Variants in ACTR3C observed in about 807,000 individuals in gnomAD.
ACTR3C encodes the protein actin related protein 3C.
A neutral mutation model predicts 26.3 loss-of-function variants in ACTR3C; 18 were observed. The ratio of observed to expected loss-of-function variants is 0.68; its 90% CI spans 0.47 to 1.01. ACTR3C has a LOEUF of 1.01. Among genes scored for constraint, ACTR3C ranks in the 50% least tolerant of loss-of-function variants. The probability of loss-of-function intolerance (pLI) is 0.00; values close to 1 mark genes in which losing one functional copy is unlikely to be tolerated. For missense variants in ACTR3C, 184 were observed against 250.7 expected, an observed-to-expected ratio of 0.73 and a Z score of 1.80; for synonymous variants, 55 against 94.5, an observed-to-expected ratio of 0.58 and a Z score of 2.42.
At chr7:150,313,558 G>A (rs957940094) in intron 1 of ACTR3C, among the ~76,000 whole-genome samples, 7 of 152,124 alleles carry the variant, frequency 4.6e-5, no homozygotes, top group African/African-American at 7.2e-5. Flanking sequence ...TGTTAATTCC[G>A]GTTAGCTCTT....
the ACTR3C span, among the ~76,000 whole-genome samples, chr7:150,110,637 G>C: frequency 4.2e-5 from 6 of 144,404 alleles, no homozygotes; most frequent in East Asian, 8.4e-4. Context: ...CTGGCTGGAG[G>C]AGGTGGGGCT....
At chr7:150,203,451 T>C in the ACTR3C span, among the ~76,000 whole-genome samples, 5 of 152,238 alleles carry the variant, frequency 3.3e-5, no homozygotes, top group Non-Finnish European at 7.3e-5. Flanking sequence ...ACCTCAACTC[T>C]GCCGTGAATC....
chr7:150,226,606 T>A, the ACTR3C span, among the ~76,000 whole-genome samples: 1 of 152,090 alleles, frequency 6.6e-6, no homozygotes, highest in African/African-American at 2.4e-5. Flanking sequence ...CTGGCTAATT[T>A]TTTGTATTTT....
intron 1 of ACTR3C, among the ~76,000 whole-genome samples, chr7:150,320,422 A>G (rs1797382868): frequency 1.3e-5 from 2 of 152,218 alleles, no homozygotes; most frequent in African/African-American, 4.8e-5. Flanking sequence ...GAAAGAATTT[A>G]TGAGTGGACT....
At chr7:149,963,473 T>C in the ACTR3C span, among the ~76,000 whole-genome samples, 1 of 152,204 alleles carries the variant, frequency 6.6e-6, no homozygotes, top group African/African-American at 2.4e-5. Context: ...TTCAAAGCAC[T>C]TCCTCATTTA....
At chr7:150,047,745 C>G in the ACTR3C span, 461 of 1,464,276 alleles carry the variant, frequency 3.1e-4, 2 homozygotes, top group African/African-American at 5.5e-3. Flanking sequence ...TCCTGCGCCG[C>G]CGTCCTCCTC....
At chr7:150,166,346 C>T in the ACTR3C span, among the ~76,000 whole-genome samples, 27 of 150,976 alleles carry the variant, frequency 1.8e-4, 1 homozygote, top group African/African-American at 6.5e-4. Flanking sequence ...TACACCATTT[C>T]TTTGTGTTGG....
At chr7:149,914,603 T>TA in the ACTR3C span, among the ~76,000 whole-genome samples, 7,267 of 128,282 alleles carry the variant, frequency 0.057, 486 homozygotes, top group African/African-American at 0.17. Context: ...ACAGAAGTAG[T>TA]AAAAAAAAAA....
the ACTR3C span, among the ~76,000 whole-genome samples, chr7:150,172,626 G>C: frequency 0.14 from 21,304 of 149,514 alleles, 3,199 homozygotes; most frequent in African/African-American, 0.32. Flanking sequence ...CTTCCCAACA[G>C]TCCCCCAAAG....
chr7:150,089,147 G>A, the ACTR3C span, among the ~76,000 whole-genome samples: 1 of 152,104 alleles, frequency 6.6e-6, no homozygotes, highest in Non-Finnish European at 1.5e-5. Context: ...TATGAACTGA[G>A]ATTTATTTTT....
the ACTR3C span, among the ~76,000 whole-genome samples, chr7:149,912,072 C>T: frequency 6.6e-6 from 1 of 151,656 alleles, no homozygotes; most frequent in East Asian, 1.9e-4. Flanking sequence ...TGTTCTGTAT[C>T]CCAAGTGATA....
the ACTR3C span, among the ~76,000 whole-genome samples, chr7:150,231,761 G>T: frequency 6.6e-6 from 1 of 151,814 alleles, no homozygotes; most frequent in Admixed American, 6.6e-5. Context: ...TTCTACATTT[G>T]TTCCTGTGTG....
chr7:150,174,064 G>T, the ACTR3C span, among the ~76,000 whole-genome samples: 2 of 139,426 alleles, frequency 1.4e-5, no homozygotes, highest in African/African-American at 3.3e-5. Context: ...CCTCCAAACT[G>T]TTCCAACCTC....
At chr7:150,294,585 T>C (rs1477581649) in intron 2 of ACTR3C, among the ~76,000 whole-genome samples, 4 of 152,252 alleles carry the variant, frequency 2.6e-5, no homozygotes, top group African/African-American at 9.6e-5. Flanking sequence ...ACTGTGCTGA[T>C]AGGCACTGTG....
chr7:150,174,196 T>C, the ACTR3C span, among the ~76,000 whole-genome samples: 32 of 138,560 alleles, frequency 2.3e-4, 1 homozygote, highest in African/African-American at 1.0e-3. Context: ...AAGACACACC[T>C]AAGACTAGGA....
intron 1 of ACTR3C, chr7:150,322,820 T>C (rs1277627734): frequency 6.6e-6 from 1 of 152,256 alleles, no homozygotes; most frequent in Non-Finnish European, 1.5e-5. Flanking sequence ...CGGGACCCCT[T>C]TCTGATAACA....
the ACTR3C span, among the ~76,000 whole-genome samples, chr7:149,991,024 G>C: frequency 3.3e-5 from 5 of 152,100 alleles, no homozygotes; most frequent in Admixed American, 3.3e-4. Context: ...CCCAAGACTG[G>C]GTAATTTATA....
intron 6 of ACTR3C, among the ~76,000 whole-genome samples, chr7:150,276,339 G>C (rs1307098205): frequency 6.6e-6 from 1 of 152,152 alleles, no homozygotes; most frequent in Non-Finnish European, 1.5e-5. Context: ...ACCGCTCATA[G>C]ACATGCCTTC....
At chr7:149,912,257 A>G in the ACTR3C span, among the ~76,000 whole-genome samples, 3 of 151,926 alleles carry the variant, frequency 2.0e-5, no homozygotes, top group Non-Finnish European at 2.9e-5. Flanking sequence ...CACAGCAGGA[A>G]AAGGTCAGAC....
Sources: gnomAD v4.1 joint callset for allele counts (sites outside exome capture counted in the v4.1 genomes callset) on GRCh38, gnomAD v4.1.1 for gene constraint, MANE v1.5 for transcripts, NCBI Gene and HGNC (gene_info 2026-07-23, HGNC 2026-07-21) for gene names.